The following AGBL1 variants were observed in gnomAD, a reference collection of about 807,000 sequenced individuals.
AGBL1 encodes the protein AGBL carboxypeptidase 1, also known as cytosolic carboxypeptidase 4.
A neutral mutation model predicts 118.9 loss-of-function variants in AGBL1; 130 were observed. The observed-to-expected ratio is 1.09, with a 90% CI of 0.95 to 1.26. The LOEUF (loss-of-function observed/expected upper bound fraction) is 1.26. Among genes scored for constraint, AGBL1 ranks in the 50% most tolerant of loss-of-function variants. AGBL1 has a pLI of 0.00. For synonymous variants in AGBL1, 555 were observed against 478.9 expected (o/e 1.16, Z -2.08); for missense variants, 1,584 against 1,298.1 (o/e 1.22, Z -3.38).
chr15:86,452,817 A>C (rs1395532302), intron 18 of AGBL1, among the ~76,000 whole-genome samples: 3 of 152,012 alleles, frequency 2.0e-5, no homozygotes, highest in African/African-American at 7.2e-5. Flanking sequence ...TTTCTGTGAC[A>C]CTGCAGTGTC....
chr15:86,333,879 C>T (rs930784025), intron 17 of AGBL1, among the ~76,000 whole-genome samples: 6 of 152,124 alleles, frequency 3.9e-5, no homozygotes, highest in Non-Finnish European at 8.8e-5. Context: ...GTTGGTTCAA[C>T]ATATGCAAAT....
At chr15:86,188,006 A>G (rs2077660306) in intron 5 of AGBL1, among the ~76,000 whole-genome samples, 1 of 152,208 alleles carries the variant, frequency 6.6e-6, no homozygotes, top group African/African-American at 2.4e-5. Context: ...GAAAAGATAC[A>G]AGTACTTCTA....
At position 86,549,562 on chromosome 15, in the gene AGBL1, A is replaced by G. The variant is rs181597769; in HGVS notation, c.2817+3429A>G. ...ATAGAATCCAGAGATGCTAAAAAAA[A>G]AGTATAATCTATGATGTCCAGTTTG... On this transcript the variant is annotated intron_variant, in intron 20 of 22. Transcript: ENST00000614907. Among the ~76,000 whole-genome samples the G allele has an allele frequency of 4.1e-3, 621 of 152,170 alleles. 5 individuals carry two copies. Among genetic ancestry groups the G allele is most frequent in the African/African-American group, 0.014 (578 of 41,516 alleles).
chr15:86,360,696 G>C (rs1016692895), intron 17 of AGBL1, among the ~76,000 whole-genome samples: 3 of 151,804 alleles, frequency 2.0e-5, no homozygotes, highest in African/African-American at 7.2e-5. Flanking sequence ...GAGGTTTTTG[G>C]TTACTGATTC....
chr15:86,251,067 A>G (rs923463718), intron 7 of AGBL1, among the ~76,000 whole-genome samples: 1 of 152,210 alleles, frequency 6.6e-6, no homozygotes, highest in Non-Finnish European at 1.5e-5. Context: ...CTTACTATTA[A>G]TACATCCCTT....
At chr15:86,154,985 T>G (rs1189992452) in intron 4 of AGBL1, among the ~76,000 whole-genome samples, 2 of 152,148 alleles carry the variant, frequency 1.3e-5, no homozygotes, top group Admixed American at 6.6e-5. Flanking sequence ...AATTACTCAT[T>G]GATTACAACA....
At chr15:86,600,579 C>T (rs917438534) in intron 21 of AGBL1, among the ~76,000 whole-genome samples, 1 of 152,072 alleles carries the variant, frequency 6.6e-6, no homozygotes, top group Non-Finnish European at 1.5e-5. Flanking sequence ...TTTACTCTGT[C>T]ACCCAAACAA....
chr15:86,756,776 A>G (rs1420999695), intron 22 of AGBL1, among the ~76,000 whole-genome samples: 1 of 152,040 alleles, frequency 6.6e-6, no homozygotes, highest in Non-Finnish European at 1.5e-5. Context: ...TTGAGAGGGA[A>G]AAAATAGACA....
At chr15:86,652,453 G>A (rs1341973179) in intron 21 of AGBL1, among the ~76,000 whole-genome samples, 4 of 152,058 alleles carry the variant, frequency 2.6e-5, no homozygotes, top group Non-Finnish European at 5.9e-5. Context: ...TATACTTCCT[G>A]ATTTATCCAT....
intron 16 of AGBL1, among the ~76,000 whole-genome samples, chr15:86,291,609 A>T (rs2079546179): frequency 3.3e-5 from 5 of 152,252 alleles, no homozygotes; most frequent in Admixed American, 3.3e-4. Context: ...ACTCCCAGGC[A>T]CAGCTTACTT....
At position 86,094,913 on chromosome 15, in the gene AGBL1, C is replaced by G. The variant is rs80162890; in HGVS notation, c.51+14890C>G. Reference sequence around the variant, plus strand: ...AGATCTCACAAGTTAAGGGCTTAATCCCATGAGACTGCTTCTACTTCAGAT... The same window carrying G: ...AGATCTCACAAGTTAAGGGCTTAATGCCATGAGACTGCTTCTACTTCAGAT... On this transcript the variant is annotated intron_variant, in intron 1 of 22. Transcript: ENST00000614907. Among the ~76,000 whole-genome samples, 467 of 152,288 alleles carry G rather than the reference C, an allele frequency of 3.1e-3. 16 individuals are homozygous for G. In the South Asian group the frequency reaches 0.067, roughly 22 times the overall value.
intron 18 of AGBL1, among the ~76,000 whole-genome samples, chr15:86,455,796 G>C (rs1206578370): frequency 6.6e-6 from 1 of 152,050 alleles, no homozygotes; most frequent in Non-Finnish European, 1.5e-5. Flanking sequence ...TTTTATAGGT[G>C]AGTTCATGCA....
intron 22 of AGBL1, among the ~76,000 whole-genome samples, chr15:86,805,083 T>A (rs539961162): frequency 6.6e-6 from 1 of 152,240 alleles, no homozygotes; most frequent in East Asian, 1.9e-4. Context: ...AGTGGTCTTT[T>A]CTGGCCCCAG....
At chr15:86,411,790 CTAAAG>C (rs780387377) in intron 18 of AGBL1, among the ~76,000 whole-genome samples, 5 of 152,040 alleles carry the variant, frequency 3.3e-5, no homozygotes, top group African/African-American at 4.8e-5. Flanking sequence ...AATCTTATTA[CTAAAG>C]TAATTACAAT....
intron 22 of AGBL1, among the ~76,000 whole-genome samples, chr15:86,694,114 T>G (rs2086216535): frequency 6.6e-6 from 1 of 152,102 alleles, no homozygotes; most frequent in Non-Finnish European, 1.5e-5. Context: ...TAGGATTGTT[T>G]TTTCTAGTTC....
intron 18 of AGBL1, among the ~76,000 whole-genome samples, chr15:86,412,732 A>G (rs183491350): frequency 6.6e-6 from 1 of 152,340 alleles, no homozygotes; most frequent in Admixed American, 6.5e-5. Flanking sequence ...TACAAAATTT[A>G]GACACAGTTA....
intron 5 of AGBL1, among the ~76,000 whole-genome samples, chr15:86,175,790 G>T (rs950036546): frequency 6.6e-6 from 1 of 151,984 alleles, no homozygotes; most frequent in South Asian, 2.1e-4. Context: ...TTAATTTCAC[G>T]TATTTCCATA....
intron 1 of AGBL1, chr15:86,088,230 G>A: frequency 6.6e-6 from 1 of 152,276 alleles, no homozygotes; most frequent in East Asian, 1.9e-4. Flanking sequence ...TGTAAGGGTG[G>A]GAGACGGAGT....
intron 22 of AGBL1, among the ~76,000 whole-genome samples, chr15:86,792,662 C>T (rs961678474): frequency 2.0e-5 from 3 of 151,996 alleles, no homozygotes; most frequent in Admixed American, 6.6e-5. Flanking sequence ...ACAATATTAG[C>T]GGGGTGTGGT....
Sources: gnomAD v4.1 joint callset for allele counts (sites outside exome capture counted in the v4.1 genomes callset) on GRCh38, gnomAD v4.1.1 for gene constraint, MANE v1.5 for transcripts, NCBI Gene and HGNC (gene_info 2026-07-23, HGNC 2026-07-21) for gene names.